The following RNF145 variants were observed in gnomAD, a reference collection of about 807,000 sequenced individuals.
RNF145 encodes the protein ring finger protein 145.
RNF145 carries 12 observed loss-of-function variants against 57.3 expected under a neutral mutation model. The observed-to-expected ratio is 0.21, with a 90% CI of 0.13 to 0.34. RNF145 has a LOEUF of 0.34. RNF145 is among the 10% of genes least tolerant of loss of function. The pLI, the probability that RNF145 is intolerant of heterozygous loss-of-function variation, is 1.00. For synonymous variants in RNF145, 262 were observed against 288.3 expected, an observed-to-expected ratio of 0.91 and a Z score of 0.92; for missense variants, 429 against 799.0, an observed-to-expected ratio of 0.54 and a Z score of 5.58.
intron 3 of RNF145, among the ~76,000 whole-genome samples, chr5:159,187,879 T>C (rs1264641611): frequency 1.3e-5 from 2 of 152,178 alleles, no homozygotes; most frequent in Non-Finnish European, 2.9e-5. Flanking sequence ...CAAGTCATCA[T>C]AAAATGGAGA....
intron 1 of RNF145, among the ~76,000 whole-genome samples, chr5:159,207,274 T>C (rs1357121879): frequency 6.6e-6 from 1 of 152,186 alleles, no homozygotes; most frequent in Admixed American, 6.5e-5. Flanking sequence ...AGCTAATCTC[T>C]GAAGAACTAT....
At position 159,161,625 on chromosome 5, in the gene RNF145, GAAAAA is replaced by G. The variant is rs59997682; in HGVS notation, c.1270-8_1270-4del. On this transcript the variant is annotated splice_polypyrimidine_tract_variant and splice_region_variant and intron_variant, in intron 9 of 10. Coordinates refer to ENST00000424310, the MANE Select transcript of RNF145 (RefSeq NM_001199383.2). The stretch of plus-strand genomic sequence containing the variant: ...TAAATAAAAAGTGTTCCCAGAACCT[GAAAAA>G]AAAAAAAAAATGTACGTATCTTGAA... 915,367 of 1,310,116 alleles carry G rather than the reference GAAAAA, an allele frequency of 0.7. 310,735 individuals carry two copies. Among genetic ancestry groups the G allele is most frequent in the African/African-American group, 0.89 (59,674 of 67,116 alleles). The allele number at this position is 1,310,116 out of a possible 1,614,324, so 81.2% of individuals were successfully genotyped here. A position where few individuals can be genotyped will look rare whatever the true frequency, so the allele number is the denominator to read the frequency against.
intron 2 of RNF145, among the ~76,000 whole-genome samples, chr5:159,197,764 T>G (rs559996215): frequency 1.8e-4 from 28 of 152,132 alleles, no homozygotes; most frequent in African/African-American, 6.8e-4. Context: ...ACACAGTAAT[T>G]TGTAATTAAA....
intron 8 of RNF145, among the ~76,000 whole-genome samples, chr5:159,165,238 TA>T (rs577221070): frequency 3.8e-4 from 58 of 152,228 alleles, no homozygotes; most frequent in Non-Finnish European, 7.5e-4. Flanking sequence ...GGCCTGCCTA[TA>T]TATACCATGT....
intron 2 of RNF145, among the ~76,000 whole-genome samples, chr5:159,202,328 T>C (rs1293463104): frequency 1.3e-5 from 2 of 152,208 alleles, no homozygotes; most frequent in Non-Finnish European, 2.9e-5. Context: ...TTTCCATAAA[T>C]TGGCTAACAT....
chr5:159,197,976 C>A (rs891313125), intron 2 of RNF145, among the ~76,000 whole-genome samples: 3 of 152,030 alleles, frequency 2.0e-5, no homozygotes, highest in Non-Finnish European at 2.9e-5. Flanking sequence ...TGTGTTGGCT[C>A]ACATCTGTAA....
intron 8 of RNF145, among the ~76,000 whole-genome samples, chr5:159,167,820 T>G (rs1325764661): frequency 6.6e-6 from 1 of 152,198 alleles, no homozygotes; most frequent in African/African-American, 2.4e-5. Flanking sequence ...TTGAGAAAAT[T>G]ATATAGAATG....
In RNF145 at chr5:159,174,178, A is replaced by G. The variant is rs769758580; in HGVS notation, c.622-20T>C. ...CACTACCTAAATAAAAACGTAAGAT[A>G]GGAAAACTTCTTGCATCACCATCAA... On this transcript the variant is annotated intron_variant, in intron 5 of 10. Transcript: ENST00000424310. 3 of 1,564,466 alleles carry G rather than the reference A, an allele frequency of 1.9e-6. No individual in the cohort carries two copies. The highest frequency in any genetic ancestry group is 8.7e-7 in the Non-Finnish European group (1 of 1,154,138).
At chr5:159,197,727 T>C (rs1785506462) in intron 2 of RNF145, among the ~76,000 whole-genome samples, 1 of 152,188 alleles carries the variant, frequency 6.6e-6, no homozygotes, top group Non-Finnish European at 1.5e-5. Context: ...AAGTTGACAA[T>C]GGCAAAGCTG....
At chr5:159,176,322 TTTCA>T (rs1401272508) in intron 5 of RNF145, among the ~76,000 whole-genome samples, 1 of 152,134 alleles carries the variant, frequency 6.6e-6, no homozygotes, top group Non-Finnish European at 1.5e-5. Flanking sequence ...AAAGCACAGC[TTTCA>T]TTATTAGCTC....
chr5:159,183,062 A>G (rs2113162444), intron 3 of RNF145, among the ~76,000 whole-genome samples: 1 of 152,316 alleles, frequency 6.6e-6, no homozygotes, highest in South Asian at 2.1e-4. Context: ...TATTTGCAAA[A>G]AAGAATCAAA....
At chr5:159,201,211 G>A (rs1785652848) in intron 2 of RNF145, among the ~76,000 whole-genome samples, 2 of 152,260 alleles carry the variant, frequency 1.3e-5, no homozygotes, top group Admixed American at 1.3e-4. Context: ...TGCATACATA[G>A]TTCCACAGGG....
intron 4 of RNF145, among the ~76,000 whole-genome samples, chr5:159,181,388 G>C (rs1784888611): frequency 6.6e-6 from 1 of 152,056 alleles, no homozygotes; most frequent in Non-Finnish European, 1.5e-5. Flanking sequence ...TTCTACATGG[G>C]TGAGTTTCAA....
intron 8 of RNF145, among the ~76,000 whole-genome samples, chr5:159,168,271 G>A (rs1385372861): frequency 6.6e-6 from 1 of 152,028 alleles, no homozygotes; most frequent in African/African-American, 2.4e-5. Flanking sequence ...AATATAGAGA[G>A]TTTAAAATTT....
In RNF145 at chr5:159,168,944, T is replaced by C. The variant is rs757343943; in HGVS notation, c.1050A>G (p.Val350=). ...CTAACATAGACTGTAGGATAGAAGC[T>C]ACGACAATGAAAAGGATAATACTGA... ...FLLSIILFIV[V]ASILQSMLEI... Residue 350 remains valine, a synonymous_variant, in exon 8 of 11, where the codon GTA becomes GTG. Coordinates refer to ENST00000424310, the MANE Select transcript of RNF145 (RefSeq NM_001199383.2). 1.2e-6 allele frequency: 2 copies of C among 1,609,452 alleles called. No homozygotes were observed. Among genetic ancestry groups the C allele is most frequent in the Admixed American group, 3.4e-5 (2 of 58,304 alleles).
rs776597448 is a variant in RNF145, at chr5:159,207,808, C to G, written c.-40+1423G>C. The G allele has an allele frequency of 3.1e-6, 5 of 1,614,200 alleles. No individual in the cohort carries two copies. The East Asian group carries it at 1.1e-4, about 36-fold the overall frequency. ...CTGTGGTTTCTCATCATCTCCCAAA[C>G]CGCAAAGACAGGGAGTCTACTCTGA... is the stretch of plus-strand genomic sequence containing the variant. On this transcript the variant is annotated intron_variant, in intron 1 of 10. Coordinates refer to ENST00000424310, the MANE Select transcript of RNF145 (RefSeq NM_001199383.2).
rs570041357 is a variant in RNF145 at position 159,164,486 on chromosome 5, C to A, written c.1122-1407G>T. Among the ~76,000 whole-genome samples the A allele has an allele frequency of 2.0e-5, 3 of 152,168 alleles. No homozygotes were observed. The East Asian group carries it at 5.8e-4, about 29-fold the overall frequency. ...ACACATGCATAGATTTAAGCACACA[C>A]ACAGAAATGTATATACAACAATGTT... On this transcript the variant is annotated intron_variant, in intron 8 of 10. Transcript: ENST00000424310.
At chr5:159,190,880 T>A (rs1035919245) in intron 3 of RNF145, among the ~76,000 whole-genome samples, 1 of 152,108 alleles carries the variant, frequency 6.6e-6, no homozygotes, top group Non-Finnish European at 1.5e-5. Context: ...GATACTATCA[T>A]ATAGTATAAA....
intron 10 of RNF145, among the ~76,000 whole-genome samples, chr5:159,160,507 CTT>C (rs780717946): frequency 5.9e-5 from 9 of 152,200 alleles, no homozygotes; most frequent in African/African-American, 1.4e-4. Flanking sequence ...AGCCTACACT[CTT>C]TGAGTGACTT....
Sources: allele counts gnomAD v4.1 joint callset (sites outside exome capture counted in the v4.1 genomes callset), GRCh38; gene constraint gnomAD v4.1.1; transcripts MANE v1.5; gene names NCBI Gene and HGNC (gene_info 2026-07-23, HGNC 2026-07-21).